HERC3: variants seen among roughly 807,000 people sequenced by gnomAD.
HERC3 encodes HECT and RLD domain containing E3 ubiquitin protein ligase 3.
A neutral mutation model predicts 129.9 loss-of-function variants in HERC3; 58 were observed. The observed-to-expected ratio is 0.45, with a 90% CI of 0.36 to 0.56. The LOEUF is 0.56. Among genes scored for constraint, HERC3 ranks in the 20% least tolerant of loss-of-function variants. HERC3 has a pLI of 0.00. For missense variants in HERC3, 835 were observed against 1,244.2 expected (o/e 0.67, Z 4.95); for synonymous variants, 430 against 451.0 (o/e 0.95, Z 0.59).
At chr4:88,697,684 TCTGCCGCTGCCTCCGCCG>T in intron 23 of HERC3, 1 of 1,611,100 alleles carries the variant, frequency 6.2e-7, no homozygotes, top group Non-Finnish European at 8.5e-7. Context: ...CATTACCTCC[TCTGCCGCTGCCTCCGCCG>T]CTGCCGCCGC....
In HERC3 at chr4:88,701,976, G is replaced by A. The variant is rs117193798; in HGVS notation, c.2658-2122G>A. 9.9e-5 allele frequency among the ~76,000 whole-genome samples: 15 copies of A among 151,972 alleles called. No homozygotes were observed. In the East Asian group the frequency reaches 1.9e-3, roughly 20 times the overall value. On this transcript the variant is annotated intron_variant, in intron 23 of 25. Transcript: ENST00000402738. ...CACCACCAGGCCTGGCTAATTTTTT[G>A]TGGAGACTGGGTCTTGCCATGTTGC...
At chr4:88,561,231 T>G in the HERC3 span, among the ~76,000 whole-genome samples, 1 of 152,214 alleles carries the variant, frequency 6.6e-6, no homozygotes, top group Non-Finnish European at 1.5e-5. Flanking sequence ...ACTTATTTTC[T>G]AATTGCCTCA....
chr4:88,674,991 A>G (rs751851462), intron 16 of HERC3, among the ~76,000 whole-genome samples: 2 of 152,258 alleles, frequency 1.3e-5, no homozygotes, highest in African/African-American at 2.4e-5. Flanking sequence ...CTGATATAGT[A>G]CAATTATAAA....
At chr4:88,682,411 T>C (rs1013545359) in intron 21 of HERC3, among the ~76,000 whole-genome samples, 1 of 152,156 alleles carries the variant, frequency 6.6e-6, no homozygotes, top group African/African-American at 2.4e-5. Flanking sequence ...CATGTTGGTG[T>C]GCTGCACCCA....
At chr4:88,530,358 A>T in the HERC3 span, among the ~76,000 whole-genome samples, 2 of 151,948 alleles carry the variant, frequency 1.3e-5, no homozygotes, top group Non-Finnish European at 2.9e-5. Context: ...TAAACAGCAC[A>T]GGATAAAGTT....
the HERC3 span, among the ~76,000 whole-genome samples, chr4:88,579,385 C>T: frequency 6.6e-5 from 10 of 151,676 alleles, no homozygotes; most frequent in South Asian, 4.2e-4. Flanking sequence ...CCAGCCTGGG[C>T]GATAGAGTGA....
chr4:88,534,302 G>A, the HERC3 span, among the ~76,000 whole-genome samples: 9 of 152,202 alleles, frequency 5.9e-5, no homozygotes, highest in Admixed American at 5.9e-4. Context: ...TACAACTGGG[G>A]TGGTGCTCCT....
chr4:88,663,850 A>G (rs1280521013), intron 11 of HERC3, among the ~76,000 whole-genome samples: 1 of 152,218 alleles, frequency 6.6e-6, no homozygotes. Context: ...GAGTTTAGAT[A>G]GGGCACTTCT....
At chr4:88,525,640 C>G in the HERC3 span, among the ~76,000 whole-genome samples, 9 of 152,286 alleles carry the variant, frequency 5.9e-5, no homozygotes, top group South Asian at 1.9e-3. Context: ...TAGAGAGTAA[C>G]AGCAAAGTAT....
the HERC3 span, among the ~76,000 whole-genome samples, chr4:88,553,634 A>G: frequency 1.3e-5 from 2 of 152,166 alleles, no homozygotes; most frequent in African/African-American, 2.4e-5. Context: ...TAGAAATGCA[A>G]TTAGCATTCA....
intron 11 of HERC3, 91 bp downstream of exon 11, chr4:88,662,646 TG>T: frequency 7.6e-7 from 1 of 1,317,370 alleles, no homozygotes; most frequent in Non-Finnish European, 1.0e-6. Flanking sequence ...ATATTGATAC[TG>T]TGAATGTAAA....
chr4:88,641,788 T>A (rs1560708971), intron 3 of HERC3, among the ~76,000 whole-genome samples: 1 of 152,110 alleles, frequency 6.6e-6, no homozygotes, highest in Non-Finnish European at 1.5e-5. Context: ...TATCTATAAC[T>A]ATAAAGAATG....
intron 5 of HERC3, 122 bp from the exon 6 acceptor site, chr4:88,652,747 C>T: frequency 5.1e-6 from 5 of 973,812 alleles, no homozygotes; most frequent in South Asian, 3.4e-5. Context: ...TATCTCTGTT[C>T]CTTTGCTCTT....
At chr4:88,524,516 T>TA in the HERC3 span, among the ~76,000 whole-genome samples, 2 of 152,194 alleles carry the variant, frequency 1.3e-5, no homozygotes, top group Non-Finnish European at 2.9e-5. Context: ...ATCTCTTTCT[T>TA]ACAGTGTAGT....
the HERC3 span, chr4:88,527,785 C>A: frequency 6.2e-6 from 2 of 321,324 alleles, no homozygotes; most frequent in South Asian, 3.0e-5. Context: ...GCCGGTTATC[C>A]TCCTTGCTGA....
chr4:88,581,083 G>A, the HERC3 span, among the ~76,000 whole-genome samples: 2 of 151,972 alleles, frequency 1.3e-5, no homozygotes, highest in African/African-American at 2.4e-5. Context: ...AAGGGAAGAG[G>A]GAAAGAGAAA....
chr4:88,605,921 A>T lies in HERC3; in HGVS notation c.98A>T (p.Asp33Val). 1.2e-6 allele frequency: 2 copies of T among 1,614,184 alleles called. No individual in the cohort carries two copies. Among genetic ancestry groups the T allele is most frequent in the Non-Finnish European group, 1.7e-6 (2 of 1,180,032 alleles). The part of the protein sequence containing the change: ...AEPQVCGFIS[D>V]RSVKEVACGG... ...CCCCAGGTGTGTGGGTTCATATCTG[A>T]CAGAAGTGTCAAGGAAGTGGCCTGT... Residue 33 changes from aspartate to valine, a missense_variant, in exon 3 of 26, where the codon GAC becomes GTC. Asp to Val is a radical substitution (Grantham distance 152). Coordinates refer to ENST00000402738, the MANE Select transcript of HERC3 (RefSeq NM_014606.3).
intron 3 of HERC3, among the ~76,000 whole-genome samples, chr4:88,642,327 C>T (rs1220354396): frequency 1.3e-5 from 2 of 152,122 alleles, no homozygotes; most frequent in East Asian, 3.9e-4. Flanking sequence ...CAGAATTTGA[C>T]ATTATGCAGC....
At chr4:88,667,016 GA>G (rs937486446) in intron 12 of HERC3, among the ~76,000 whole-genome samples, 76 of 152,018 alleles carry the variant, frequency 5.0e-4, no homozygotes, top group Middle Eastern at 3.4e-3. Flanking sequence ...CACAAAAACA[GA>G]AAAAAACCAA....
Sources: allele counts gnomAD v4.1 joint callset (sites outside exome capture counted in the v4.1 genomes callset), GRCh38; gene constraint gnomAD v4.1.1; transcripts MANE v1.5; gene names NCBI Gene and HGNC (gene_info 2026-07-23, HGNC 2026-07-21).